CELF2: variants seen among roughly 807,000 people sequenced by gnomAD.
CELF2 encodes the protein CUG triplet repeat RNA-binding protein 2.
CELF2 carries 8 observed loss-of-function variants against 62.6 expected under a neutral mutation model. That is an observed-to-expected ratio of 0.13 (90% CI 0.07 to 0.23). The LOEUF (loss-of-function observed/expected upper bound fraction) is 0.23. Ranked by LOEUF, CELF2 falls within the 10% of genes least tolerant of loss-of-function variation. The pLI is 1.00. For synonymous variants in CELF2, 258 were observed against 250.0 expected, an observed-to-expected ratio of 1.03 and a Z score of -0.30; for missense variants, 333 against 671.0, an observed-to-expected ratio of 0.50 and a Z score of 5.56.
the CELF2 span, among the ~76,000 whole-genome samples, chr10:10,772,076 C>A: frequency 1.3e-5 from 2 of 151,896 alleles, no homozygotes; most frequent in African/African-American, 4.8e-5. Context: ...ATTACTGTGC[C>A]TATTGTACAG....
chr10:11,143,279 T>G (rs1035299083), intron 1 of CELF2, among the ~76,000 whole-genome samples: 11 of 152,252 alleles, frequency 7.2e-5, no homozygotes, highest in African/African-American at 1.2e-4. Context: ...ATATCCAGTT[T>G]AATGAAATAT....
the CELF2 span, among the ~76,000 whole-genome samples, chr10:10,731,954 C>T: frequency 1.3e-5 from 2 of 152,156 alleles, no homozygotes; most frequent in Non-Finnish European, 2.9e-5. Context: ...TTTGCACCCT[C>T]TTGAGTCAAC....
chr10:10,714,546 G>A, the CELF2 span, among the ~76,000 whole-genome samples: 1 of 152,094 alleles, frequency 6.6e-6, no homozygotes, highest in Non-Finnish European at 1.5e-5. Context: ...AATTAAATGA[G>A]ATTCACACCA....
the CELF2 span, among the ~76,000 whole-genome samples, chr10:10,691,643 T>A: frequency 4.0e-5 from 6 of 151,052 alleles, no homozygotes; most frequent in African/African-American, 1.5e-4. Context: ...AGTGTTCCTA[T>A]TTCTCCACAT....
chr10:10,758,869 C>T, the CELF2 span, among the ~76,000 whole-genome samples: 1 of 152,132 alleles, frequency 6.6e-6, no homozygotes. Context: ...CTGACATATG[C>T]CTCACTGTGT....
the CELF2 span, among the ~76,000 whole-genome samples, chr10:10,589,949 AG>A: frequency 6.6e-6 from 1 of 152,132 alleles, no homozygotes; most frequent in African/African-American, 2.4e-5. Flanking sequence ...TAGTGATTCT[AG>A]GGTGCCTACC....
In CELF2 at chr10:10,893,639, G is replaced by A. The variant is rs190287089; in HGVS notation, c.54-26325G>A. 1.3e-4 allele frequency among the ~76,000 whole-genome samples: 20 copies of A among 152,280 alleles called. No individual in the cohort carries two copies. In the East Asian group the frequency reaches 3.7e-3, roughly 28 times the overall value. Reference sequence around the variant, plus strand: ...TGGCTCATGGTTCTGCAGGCTGTATGGGAAACATAGTGGCTTCTGCTTCCA... The same window carrying A: ...TGGCTCATGGTTCTGCAGGCTGTATAGGAAACATAGTGGCTTCTGCTTCCA... On this transcript the variant is annotated intron_variant, in intron 1 of 13. Coordinates refer to the CELF2 transcript ENST00000636488.
intron 1 of CELF2, among the ~76,000 whole-genome samples, chr10:10,896,964 G>T (rs1401846238): frequency 2.0e-5 from 3 of 152,138 alleles, no homozygotes; most frequent in African/African-American, 7.2e-5. Flanking sequence ...TTTTGGTACT[G>T]GGAAATGGGG....
intron 11 of CELF2, among the ~76,000 whole-genome samples, chr10:11,322,534 A>AT (rs1267444829): frequency 3.9e-5 from 6 of 151,972 alleles, no homozygotes; most frequent in Non-Finnish European, 5.9e-5. Context: ...ACTAAGGGAG[A>AT]TTTTTTGAAG....
chr10:10,565,709 T>C, the CELF2 span, among the ~76,000 whole-genome samples: 1 of 152,240 alleles, frequency 6.6e-6, no homozygotes, highest in Non-Finnish European at 1.5e-5. Context: ...ACTTACAGAC[T>C]TCCTTTTAAT....
intron 1 of CELF2, among the ~76,000 whole-genome samples, chr10:10,843,117 C>T (rs772249612): frequency 1.3e-5 from 2 of 151,908 alleles, no homozygotes; most frequent in African/African-American, 2.4e-5. Context: ...CCTTCAACGT[C>T]CGTGGGATTA....
At chr10:10,956,155 C>CT (rs1194838587) in intron 2 of CELF2, among the ~76,000 whole-genome samples, 4 of 152,186 alleles carry the variant, frequency 2.6e-5, no homozygotes, top group African/African-American at 9.7e-5. Context: ...TGTTTCTCCT[C>CT]TAAGTTTGAT....
At chr10:10,658,217 T>C in the CELF2 span, among the ~76,000 whole-genome samples, 2 of 152,200 alleles carry the variant, frequency 1.3e-5, no homozygotes, top group Non-Finnish European at 2.9e-5. Flanking sequence ...TGTGGACCAC[T>C]AGGATCATTG....
intron 9 of CELF2, among the ~76,000 whole-genome samples, chr10:11,308,690 G>T (rs942656995): frequency 6.6e-6 from 1 of 152,148 alleles, no homozygotes; most frequent in African/African-American, 2.4e-5. Context: ...TAGGTATTTT[G>T]CAGATTATTT....
At chr10:11,146,038 G>A (rs1285524319) in intron 1 of CELF2, among the ~76,000 whole-genome samples, 1 of 152,180 alleles carries the variant, frequency 6.6e-6, no homozygotes, top group East Asian at 1.9e-4. Flanking sequence ...ATGGAGAGGT[G>A]GGCCTCTTTG....
intron 2 of CELF2, among the ~76,000 whole-genome samples, chr10:10,943,247 T>G (rs2047246707): frequency 6.6e-6 from 1 of 152,214 alleles, no homozygotes; most frequent in African/African-American, 2.4e-5. Flanking sequence ...TGGCTTTCTG[T>G]GCAGCCAGCA....
chr10:11,003,322 GT>G, upstream of CELF2, among the ~76,000 whole-genome samples: 1 of 152,302 alleles, frequency 6.6e-6, no homozygotes, highest in East Asian at 1.9e-4. The surrounding 1 kb of genome is among the most constrained non-coding windows in gnomAD (Gnocchi z 4.4). Context: ...GGCTTCCAAT[GT>G]TAAGAATTTA....
chr10:10,897,857 C>T (rs980866151), intron 1 of CELF2, among the ~76,000 whole-genome samples: 1 of 152,162 alleles, frequency 6.6e-6, no homozygotes, highest in African/African-American at 2.4e-5. Flanking sequence ...GCTGATAGAA[C>T]TGCTCAACTA....
intron 1 of CELF2, among the ~76,000 whole-genome samples, chr10:11,060,772 C>T (rs892946825): frequency 1.3e-4 from 20 of 152,176 alleles, no homozygotes; most frequent in African/African-American, 4.8e-4. Flanking sequence ...GTAATTTTCA[C>T]AATGTTTCAA....
Sources: allele counts gnomAD v4.1 joint callset (sites outside exome capture counted in the v4.1 genomes callset), GRCh38; gene constraint gnomAD v4.1.1; non-coding constraint Gnocchi (gnomAD v3.1); transcripts MANE v1.5; gene names NCBI Gene and HGNC (gene_info 2026-07-23, HGNC 2026-07-21).